CRYBG1: variants seen among roughly 807,000 people sequenced by gnomAD.
CRYBG1 encodes beta/gamma crystallin domain-containing protein 1.
A neutral mutation model predicts 189.2 loss-of-function variants in CRYBG1; 139 were observed. That is an observed-to-expected ratio of 0.73 (90% CI 0.64 to 0.85). CRYBG1 has a LOEUF of 0.85. Among genes scored for constraint, CRYBG1 ranks in the 40% least tolerant of loss-of-function variants. The pLI is 0.00. For synonymous variants in CRYBG1, 1,023 were observed against 1,017.1 expected, an observed-to-expected ratio of 1.01 and a Z score of -0.11; for missense variants, 2,611 against 2,675.8, an observed-to-expected ratio of 0.98 and a Z score of 0.53.
At chr6:106,375,018 G>C (rs145679473) in intron 1 of CRYBG1, among the ~76,000 whole-genome samples, 40 of 152,214 alleles carry the variant, frequency 2.6e-4, no homozygotes, top group Middle Eastern at 6.8e-3. Flanking sequence ...ATTGAGGTGG[G>C]GGGGGCATAA....
intron 8 of CRYBG1, among the ~76,000 whole-genome samples, chr6:106,537,744 C>T (rs1220727837): frequency 1.3e-5 from 2 of 152,228 alleles, no homozygotes; most frequent in African/African-American, 2.4e-5. Flanking sequence ...TGCGTCCTCA[C>T]GCCCTCTTCC....
chr6:106,397,820 G>A (rs534753824), intron 1 of CRYBG1, among the ~76,000 whole-genome samples: 1 of 152,270 alleles, frequency 6.6e-6, no homozygotes, highest in Admixed American at 6.5e-5. Flanking sequence ...CCTATTCCCT[G>A]TACGCTTCCA....
intron 2 of CRYBG1, among the ~76,000 whole-genome samples, chr6:106,498,280 A>G (rs1562089394): frequency 6.6e-6 from 1 of 152,220 alleles, no homozygotes; most frequent in Non-Finnish European, 1.5e-5. Flanking sequence ...GACTAATTAT[A>G]AAGCAAACAC....
intron 1 of CRYBG1, among the ~76,000 whole-genome samples, chr6:106,400,113 G>A (rs1029479272): frequency 2.1e-5 from 3 of 144,202 alleles, no homozygotes; most frequent in African/African-American, 5.2e-5. Flanking sequence ...TCCAGCCTGG[G>A]TGACAAGAGT....
At chr6:106,418,913 G>A (rs1164397198) in intron 1 of CRYBG1, among the ~76,000 whole-genome samples, 1 of 152,242 alleles carries the variant, frequency 6.6e-6, no homozygotes, top group Non-Finnish European at 1.5e-5. Context: ...AGACTGGCTT[G>A]AGGAGGCAGT....
intron 1 of CRYBG1, among the ~76,000 whole-genome samples, chr6:106,448,132 G>A (rs548324792): frequency 2.0e-5 from 3 of 152,262 alleles, no homozygotes; most frequent in African/African-American, 7.2e-5. Context: ...TGTTTGCGAA[G>A]CCCACTCAGC....
At chr6:106,400,072 T>C (rs534044493) in intron 1 of CRYBG1, among the ~76,000 whole-genome samples, 1 of 145,632 alleles carries the variant, frequency 6.9e-6, no homozygotes, top group Admixed American at 7.1e-5. Flanking sequence ...AGAGGCAGAG[T>C]TTGCAGTGAG....
At chr6:106,364,041 C>T (rs538843281) in intron 1 of CRYBG1, among the ~76,000 whole-genome samples, 2 of 152,248 alleles carry the variant, frequency 1.3e-5, no homozygotes, top group South Asian at 4.1e-4. Flanking sequence ...GTTTACCAGT[C>T]CAGCCGGGTG....
rs1258526064 is a variant in CRYBG1, at chr6:106,519,699, G to C, written c.2491G>C (p.Val831Leu). 1 of 1,614,190 alleles carries C rather than the reference G, an allele frequency of 6.2e-7. No individual in the cohort carries two copies. The highest frequency in any genetic ancestry group is 8.5e-7 in the Non-Finnish European group (1 of 1,180,028). ...CAGCAAAAGCCTTGTACTTGAAAAT[G>C]TAACCGATACAGCACAAGACATCCC... ...ADSKSLVLEN[V>L]TDTAQDIPTT... Residue 831 changes from valine to leucine, a missense_variant, in exon 4 of 22, where the codon GTA becomes CTA. This residue lies in a region of CRYBG1 where 1,622 missense variants were observed against 1,735.0 expected (regional missense o/e 0.93). Coordinates refer to ENST00000633556, the MANE Select transcript of CRYBG1 (RefSeq NM_001371242.2).
At position 106,497,238 on chromosome 6, in the gene CRYBG1, C is replaced by A. The variant is rs376236541; in HGVS notation, c.313-14192C>A. On this transcript the variant is annotated intron_variant, in intron 2 of 21. Transcript: ENST00000633556. ...AATTCCATACGAGGGGAAATCAGGC[C>A]GGTCTTCCTGAAGGTAGAAAGAAAC... Among the ~76,000 whole-genome samples, 229 of 152,156 alleles carry A rather than the reference C, an allele frequency of 1.5e-3. 1 individual carries two copies. The highest frequency in any genetic ancestry group is 5.0e-3 in the African/African-American group (206 of 41,480).
chr6:106,370,884 T>C (rs1281542579), intron 1 of CRYBG1, among the ~76,000 whole-genome samples: 1 of 152,144 alleles, frequency 6.6e-6, no homozygotes, highest in Non-Finnish European at 1.5e-5. Context: ...CTAACAACGA[T>C]GAGACTGTCT....
At chr6:106,365,426 C>CA (rs1160738217) in intron 1 of CRYBG1, among the ~76,000 whole-genome samples, 2 of 100,318 alleles carry the variant, frequency 2.0e-5, no homozygotes, top group South Asian at 3.3e-4. Flanking sequence ...GACTCTGTCT[C>CA]AAAAAAAGCA....
intron 2 of CRYBG1, among the ~76,000 whole-genome samples, chr6:106,478,169 T>A (rs1030449716): frequency 5.3e-5 from 8 of 152,244 alleles, no homozygotes; most frequent in Non-Finnish European, 1.0e-4. Flanking sequence ...CCTTCAACCC[T>A]GTTGGGTTAT....
intron 1 of CRYBG1, among the ~76,000 whole-genome samples, chr6:106,396,055 A>C (rs899031727): frequency 1.3e-5 from 2 of 152,140 alleles, no homozygotes; most frequent in Admixed American, 6.6e-5. Flanking sequence ...TGATCCCTTC[A>C]TAGGCATTGA....
chr6:106,544,510 T>C lies in CRYBG1; in HGVS notation c.5040-61T>C, dbSNP rs1774215257. ...TGTATTTTTCAATGAAATTGATATGTACCTTGAAAAAATGTTAACATGTCT... is the reference window on the plus strand; with the variant it reads ...TGTATTTTTCAATGAAATTGATATGCACCTTGAAAAAATGTTAACATGTCT... On this transcript the variant is annotated intron_variant, in intron 11 of 21. Transcript: ENST00000633556. 3.8e-6 allele frequency: 6 copies of C among 1,579,082 alleles called. No homozygotes were observed. The Admixed American group carries it at 1.1e-4, about 28-fold the overall frequency.
rs886671070 is a variant in CRYBG1 at position 106,551,747 on chromosome 6, T to C, written c.5313-105T>C. 30 of 1,317,754 alleles carry C rather than the reference T, an allele frequency of 2.3e-5. 1 individual carries two copies. The Middle Eastern group carries it at 8.1e-4, about 36-fold the overall frequency. 81.6% of individuals were successfully genotyped at this position (1,317,754 alleles called of 1,614,324 possible). ...GAATCAGAAAAATTAAAATTTCAAT[T>C]GGCAAAACAAATGAAAGTTTCTGTA... On this transcript the variant is annotated intron_variant, in intron 13 of 21. Transcript: ENST00000633556.
intron 1 of CRYBG1, among the ~76,000 whole-genome samples, chr6:106,414,328 C>G (rs546109765): frequency 6.6e-6 from 1 of 152,242 alleles, no homozygotes; most frequent in African/African-American, 2.4e-5. Flanking sequence ...GGCTCCTTGA[C>G]TTTTGCATCA....
chr6:106,525,031 A>C, intron 4 of CRYBG1, 102 bp from the exon 5 acceptor site: 2 of 1,172,272 alleles, frequency 1.7e-6, no homozygotes, highest in Non-Finnish European at 2.5e-6. Context: ...AATCGATACA[A>C]TGTGGGAAAA....
intron 21 of CRYBG1, among the ~76,000 whole-genome samples, chr6:106,565,049 G>A (rs183905223): frequency 7.2e-5 from 11 of 152,228 alleles, no homozygotes; most frequent in Admixed American, 5.9e-4. Context: ...GCCAGGTGCC[G>A]TGGCTCACGC....
Sources: gnomAD v4.1 joint callset for allele counts (sites outside exome capture counted in the v4.1 genomes callset) on GRCh38, gnomAD v4.1.1 for gene constraint, gnomAD v4.1.1 regional missense constraint, MANE v1.5 for transcripts, NCBI Gene and HGNC (gene_info 2026-07-23, HGNC 2026-07-21) for gene names.